WWOX: variants seen among roughly 807,000 people sequenced by gnomAD.
The protein encoded by WWOX is WW domain-containing oxidoreductase.
A neutral mutation model predicts 46.2 loss-of-function variants in WWOX; 69 were observed. The observed-to-expected ratio is 1.49, with a 90% CI of 1.23 to 1.82. The LOEUF (loss-of-function observed/expected upper bound fraction) is 1.82, where lower values mean the gene tolerates loss of function less well. Among genes scored for constraint, WWOX ranks in the 40% most tolerant of loss-of-function variants. WWOX has a pLI of 0.00. For missense variants in WWOX, 919 were observed against 542.6 expected (o/e 1.69, Z -6.89); for synonymous variants, 359 against 202.6 (o/e 1.77, Z -6.56).
At chr16:79,131,259 A>G (rs569699823) in intron 8 of WWOX, among the ~76,000 whole-genome samples, 20 of 152,264 alleles carry the variant, frequency 1.3e-4, no homozygotes, top group Middle Eastern at 3.4e-3. Context: ...GACACAAAAT[A>G]TTAGAAGCAA....
intron 5 of WWOX, among the ~76,000 whole-genome samples, chr16:78,315,675 A>G (rs536723421): frequency 6.6e-6 from 1 of 152,142 alleles, no homozygotes; most frequent in Non-Finnish European, 1.5e-5. Flanking sequence ...AATAAAAATT[A>G]TGTGATTAGA....
In WWOX at chr16:78,403,946, A is replaced by C. The variant is rs550334256; in HGVS notation, c.605+16998A>C. Among the ~76,000 whole-genome samples, 51 of 152,306 alleles carry C rather than the reference A, an allele frequency of 3.3e-4. No individual in the cohort carries two copies. The South Asian group carries it at 0.01, about 30-fold the overall frequency. ...GTGGACCACAGAGCAGGGTTTTCCA[A>C]AGTTCACCAAGACAAATATTGTATT... is the stretch of plus-strand genomic sequence containing the variant. On this transcript the variant is annotated intron_variant, in intron 6 of 8. Coordinates refer to ENST00000566780, the MANE Select transcript of WWOX (RefSeq NM_016373.4).
Position 78,555,003 on chromosome 16 carries a change from C to T in WWOX, c.1056+122251C>T, listed in dbSNP as rs527399634. ...AGGGGCCCGGATAAACCAGCAGGGC[C>T]TGGCAGACAACTTCTGGCTCCCTTG... On this transcript the variant is annotated intron_variant, in intron 8 of 8. Coordinates refer to ENST00000566780, the MANE Select transcript of WWOX (RefSeq NM_016373.4). 3.9e-4 allele frequency among the ~76,000 whole-genome samples: 59 copies of T among 152,252 alleles called. No individual in the cohort carries two copies. The South Asian group carries it at 0.012, about 31-fold the overall frequency.
At chr16:78,628,005 CA>C (rs1195494276) in intron 8 of WWOX, among the ~76,000 whole-genome samples, 9 of 152,152 alleles carry the variant, frequency 5.9e-5, no homozygotes, top group African/African-American at 2.2e-4. Context: ...GCCTCAGGAC[CA>C]GGGGTGAAGA....
intron 5 of WWOX, among the ~76,000 whole-genome samples, chr16:78,361,712 G>C (rs1383181933): frequency 6.6e-6 from 1 of 151,948 alleles, no homozygotes; most frequent in African/African-American, 2.4e-5. Flanking sequence ...CCTGTGTTCA[G>C]GCGATTCTCC....
chr16:78,844,432 G>T (rs1345514210), intron 8 of WWOX, among the ~76,000 whole-genome samples: 2 of 152,050 alleles, frequency 1.3e-5, no homozygotes, highest in African/African-American at 2.4e-5. Flanking sequence ...AATAATTTGG[G>T]CAGTCTCACT....
chr16:78,126,680 C>T (rs2033375777), intron 4 of WWOX, among the ~76,000 whole-genome samples: 1 of 152,148 alleles, frequency 6.6e-6, no homozygotes, highest in African/African-American at 2.4e-5. Context: ...TGGCCTAACT[C>T]CTCAGTTTGC....
At chr16:78,688,948 C>G (rs2047924587) in intron 8 of WWOX, among the ~76,000 whole-genome samples, 2 of 152,168 alleles carry the variant, frequency 1.3e-5, no homozygotes, top group Admixed American at 1.3e-4. Context: ...CTCCTTCCTG[C>G]TGCCGTTTGA....
chr16:78,757,422 G>A (rs2049680974), intron 8 of WWOX, among the ~76,000 whole-genome samples: 1 of 152,122 alleles, frequency 6.6e-6, no homozygotes, highest in Non-Finnish European at 1.5e-5. Flanking sequence ...TGTTGCTTCT[G>A]TACCTCTTGC....
At chr16:78,211,202 A>G (rs956347078) in intron 5 of WWOX, among the ~76,000 whole-genome samples, 3 of 152,120 alleles carry the variant, frequency 2.0e-5, no homozygotes, top group South Asian at 2.1e-4. Flanking sequence ...CACGCTGCCA[A>G]TTTCCCACGA....
intron 8 of WWOX, among the ~76,000 whole-genome samples, chr16:78,528,347 C>T (rs1287187197): frequency 2.0e-5 from 3 of 151,440 alleles, no homozygotes; most frequent in African/African-American, 7.3e-5. Flanking sequence ...TAGTGATAGT[C>T]CAACCTCCTG....
At chr16:78,730,588 A>T (rs2048945535) in intron 8 of WWOX, among the ~76,000 whole-genome samples, 1 of 149,380 alleles carries the variant, frequency 6.7e-6, no homozygotes, top group African/African-American at 2.5e-5. Flanking sequence ...AGTAGCTGGG[A>T]CCACAGGTGC....
chr16:79,165,472 A>G (rs180969035), intron 8 of WWOX, among the ~76,000 whole-genome samples: 6 of 152,284 alleles, frequency 3.9e-5, no homozygotes, highest in Admixed American at 3.3e-4. Flanking sequence ...AAAATACGAA[A>G]AATAGAATCA....
intron 8 of WWOX, among the ~76,000 whole-genome samples, chr16:78,524,848 T>A (rs2043425582): frequency 6.7e-6 from 1 of 148,290 alleles, no homozygotes; most frequent in Non-Finnish European, 1.5e-5. Flanking sequence ...AAGAATGCGT[T>A]GATTTTGTTT....
intron 8 of WWOX, among the ~76,000 whole-genome samples, chr16:78,874,583 C>G (rs1207165171): frequency 6.6e-6 from 1 of 151,456 alleles, no homozygotes; most frequent in Non-Finnish European, 1.5e-5. Flanking sequence ...ATGGTCTCCA[C>G]TACAGATTCT....
chr16:78,830,520 C>T (rs561904805), intron 8 of WWOX, among the ~76,000 whole-genome samples: 1 of 151,948 alleles, frequency 6.6e-6, no homozygotes, highest in South Asian at 2.1e-4. Context: ...TTACCCATTA[C>T]CAGGGAAGCC....
chr16:78,136,753 A>G (rs917631468), intron 4 of WWOX, among the ~76,000 whole-genome samples: 3 of 152,186 alleles, frequency 2.0e-5, no homozygotes, highest in Non-Finnish European at 2.9e-5. Context: ...CAGTAAGACC[A>G]CCCATTAGGC....
At chr16:78,710,453 C>G (rs1167271985) in intron 8 of WWOX, among the ~76,000 whole-genome samples, 1 of 75,560 alleles carries the variant, frequency 1.3e-5, no homozygotes, top group African/African-American at 4.9e-5. Context: ...TCTGTTGATG[C>G]AATTAAAGCT....
At chr16:78,370,589 G>T (rs1161900784) in intron 5 of WWOX, among the ~76,000 whole-genome samples, 3 of 151,916 alleles carry the variant, frequency 2.0e-5, no homozygotes, top group Admixed American at 6.6e-5. Context: ...TATAATTATG[G>T]ATTCTGTCTT....
Sources: allele counts gnomAD v4.1 joint callset (sites outside exome capture counted in the v4.1 genomes callset), GRCh38; gene constraint gnomAD v4.1.1; transcripts MANE v1.5; gene names NCBI Gene and HGNC (gene_info 2026-07-23, HGNC 2026-07-21).